Variants in MGA observed in about 807,000 individuals in gnomAD.
MGA encodes MAX dimerization protein MGA, also known as MAX gene-associated protein.
In MGA, 40 loss-of-function variants were observed where a neutral mutation model predicts 261.1. That is an observed-to-expected ratio of 0.15 (90% confidence interval 0.12 to 0.20). The LOEUF (loss-of-function observed/expected upper bound fraction) is 0.20. MGA is among the 10% of genes least tolerant of loss of function. The pLI is 1.00. For synonymous variants in MGA, 1,302 were observed against 1,290.6 expected (o/e 1.01, Z -0.19); for missense variants, 3,397 against 3,630.5 (o/e 0.94, Z 1.65).
At chr15:41,679,203 T>G (rs905690764) in intron 2 of MGA, among the ~76,000 whole-genome samples, 1 of 152,046 alleles carries the variant, frequency 6.6e-6, no homozygotes, top group Non-Finnish European at 1.5e-5. Context: ...GCCCGGCTAA[T>G]TTTTTGTATT....
chr15:41,628,363 T>C (rs2056507555), intron 1 of MGA, among the ~76,000 whole-genome samples: 1 of 114,906 alleles, frequency 8.7e-6, no homozygotes, highest in African/African-American at 3.8e-5. Context: ...CAAGACTCTG[T>C]ATCCAAAAAA....
intron 1 of MGA, among the ~76,000 whole-genome samples, chr15:41,641,190 A>T (rs891906218): frequency 2.1e-4 from 32 of 152,284 alleles, no homozygotes; most frequent in African/African-American, 7.5e-4. Context: ...GCTGAATAAT[A>T]TTTCATTGTG....
At chr15:41,723,484 T>G (rs2151633369) in intron 9 of MGA, among the ~76,000 whole-genome samples, 1 of 152,288 alleles carries the variant, frequency 6.6e-6, no homozygotes, top group East Asian at 1.9e-4. Flanking sequence ...GTCTTGATCA[T>G]AGCTAACTAT....
chr15:41,691,092 G>GGTAGATACTGCATTGAATTT (rs1354364361), intron 2 of MGA, among the ~76,000 whole-genome samples: 1 of 136,642 alleles, frequency 7.3e-6, no homozygotes, highest in Middle Eastern at 4.2e-3. Context: ...ATGGAGTTTT[G>GGTAGATACTGCATTGAATTT]GTAGATACTG....
Position 41,749,200 on chromosome 15 carries a change from A to G in MGA, c.5593A>G (p.Asn1865Asp). 2 of 1,613,974 alleles carry G rather than the reference A, an allele frequency of 1.2e-6. No homozygotes were observed. The highest frequency in any genetic ancestry group is 1.7e-6 in the Non-Finnish European group (2 of 1,179,892). The change falls in exon 17 of 24, where the codon AAT becomes GAT. Residue 1865 changes from asparagine (N) to aspartate (D), a missense_variant. Physicochemically the swap from Asn to Asp is conservative, Grantham distance 23 (BLOSUM62 1). Around this residue, in one of 9 missense-constraint regions of MGA, gnomAD observed 1,410 missense variants for 1,386.4 expected, o/e 1.02. Transcript: ENST00000219905. ...TTCGTCCTCTGCTTTCTCTGTCATG[A>G]ATCCTGTAATTCAAGCTGTTGGGTC...
chr15:41,662,635 T>G (rs1017036588), intron 1 of MGA, among the ~76,000 whole-genome samples: 10 of 152,244 alleles, frequency 6.6e-5, no homozygotes, highest in African/African-American at 9.6e-5. Flanking sequence ...GCTATTTTAC[T>G]GTCTTTGCCA....
chr15:41,702,423 A>C (rs1325503507), intron 5 of MGA, among the ~76,000 whole-genome samples: 3 of 152,126 alleles, frequency 2.0e-5, no homozygotes, highest in African/African-American at 7.2e-5. Flanking sequence ...AGGGCTCTGA[A>C]GAGAATGAAA....
intron 2 of MGA, among the ~76,000 whole-genome samples, chr15:41,673,167 G>T (rs978969956): frequency 6.6e-6 from 1 of 151,928 alleles, no homozygotes; most frequent in Non-Finnish European, 1.5e-5. Context: ...TTTATTACAT[G>T]AAGGTTATTT....
intron 2 of MGA, among the ~76,000 whole-genome samples, chr15:41,681,309 A>G (rs973254223): frequency 6.6e-6 from 1 of 151,322 alleles, no homozygotes; most frequent in African/African-American, 2.4e-5. Context: ...ATAATTATCA[A>G]TTTTACATGT....
At chr15:41,719,598 C>CTGGTG (rs1261451699) in intron 9 of MGA, among the ~76,000 whole-genome samples, 1 of 151,982 alleles carries the variant, frequency 6.6e-6, no homozygotes, top group African/African-American at 2.4e-5. Context: ...AAAAATTAGC[C>CTGGTG]TGGTGTGGTG....
In MGA at chr15:41,669,343, C is replaced by G. The variant is rs1354149530; in HGVS notation, c.449C>G (p.Pro150Arg). Residue 150 changes from proline to arginine, a missense_variant, in exon 2 of 24, where the codon CCT becomes CGT. By Grantham distance (103) the Pro-to-Arg change is moderately radical (BLOSUM62 -2). Around this residue, in one of 9 missense-constraint regions of MGA, gnomAD observed 104 missense variants for 212.9 expected, o/e 0.49. Transcript: ENST00000219905. ...TGGGAACCTAGTGGGAAGGCTGAAC[C>G]TCATGTTTTGGGGAGGGTTTTCATT... is the stretch of plus-strand genomic sequence containing the variant. The G allele has an allele frequency of 1.9e-6, 3 of 1,613,816 alleles. No individual in the cohort carries two copies. The highest frequency in any genetic ancestry group is 2.5e-6 in the Non-Finnish European group (3 of 1,179,880).
upstream of MGA, among the ~76,000 whole-genome samples, chr15:41,656,322 T>G (rs373383429): frequency 9.7e-6 from 1 of 102,618 alleles, no homozygotes; most frequent in Non-Finnish European, 2.2e-5. Context: ...TGGTGTTTCT[T>G]TCTCTCTCTC....
chr15:41,653,456 C>G (rs1392146836), intron 1 of MGA, among the ~76,000 whole-genome samples: 1 of 151,524 alleles, frequency 6.6e-6, no homozygotes, highest in African/African-American at 2.4e-5. Context: ...GTGGTTAGAT[C>G]ACAGCTAACA....
At chr15:41,647,769 T>G (rs2056963521) in intron 1 of MGA, among the ~76,000 whole-genome samples, 2 of 152,178 alleles carry the variant, frequency 1.3e-5, no homozygotes, top group Admixed American at 1.3e-4. Context: ...TTATCTCCAG[T>G]GTCTACTGGA....
At chr15:41,705,302 T>C (rs1249762419) in intron 5 of MGA, among the ~76,000 whole-genome samples, 1 of 152,060 alleles carries the variant, frequency 6.6e-6, no homozygotes, top group Non-Finnish European at 1.5e-5. Context: ...AGGGACTTAT[T>C]TACCCTATGC....
chr15:41,707,480 G>T (rs1254794835), intron 5 of MGA, among the ~76,000 whole-genome samples: 2 of 152,120 alleles, frequency 1.3e-5, no homozygotes. Flanking sequence ...CAAATTACAG[G>T]CCCTGCCTAC....
intron 5 of MGA, among the ~76,000 whole-genome samples, chr15:41,704,610 A>T (rs540955147): frequency 4.2e-4 from 64 of 152,318 alleles, no homozygotes; most frequent in Admixed American, 3.7e-3. Context: ...GTGAGTGGAG[A>T]TCGTGCCACT....
chr15:41,671,807 A>G (rs2058077223), intron 2 of MGA, among the ~76,000 whole-genome samples: 2 of 152,140 alleles, frequency 1.3e-5, no homozygotes, highest in South Asian at 2.1e-4. Flanking sequence ...TGAGCTGGTT[A>G]TTGCTTTGCT....
intron 1 of MGA, among the ~76,000 whole-genome samples, chr15:41,649,766 G>A (rs2057004487): frequency 6.6e-6 from 1 of 152,050 alleles, no homozygotes; most frequent in East Asian, 1.9e-4. Context: ...TGCAACCTCC[G>A]CCTCCCAGGT....
Sources: allele counts gnomAD v4.1 joint callset (sites outside exome capture counted in the v4.1 genomes callset), GRCh38; gene constraint gnomAD v4.1.1; regional missense constraint gnomAD v4.1.1; transcripts MANE v1.5; gene names NCBI Gene and HGNC (gene_info 2026-07-23, HGNC 2026-07-21).